VPS26C: variants seen among roughly 807,000 people sequenced by gnomAD.
VPS26C encodes the protein vacuolar protein sorting-associated protein 26C.
A neutral mutation model predicts 30.6 loss-of-function variants in VPS26C; 19 were observed. The observed-to-expected ratio is 0.62, with a 90% CI of 0.43 to 0.91. The LOEUF is 0.91. Ranked by LOEUF, VPS26C falls within the 40% of genes least tolerant of loss-of-function variation. VPS26C has a pLI of 0.00. For missense variants in VPS26C, 318 were observed against 385.1 expected (o/e 0.83, Z 1.46); for synonymous variants, 132 against 151.5 (o/e 0.87, Z 0.95).
chr21:37,255,012 A>C (rs2086228670), intron 1 of VPS26C, among the ~76,000 whole-genome samples: 3 of 152,174 alleles, frequency 2.0e-5, no homozygotes, highest in Admixed American at 1.3e-4. Context: ...GGCACTGTTC[A>C]TGGGGCAGCA....
rs533964965 is a variant in VPS26C at position 37,233,057 on chromosome 21, C to G, written c.432+305G>C. 6.6e-6 allele frequency among the ~76,000 whole-genome samples: 1 copy of G among 152,298 alleles called. No individual in the cohort carries two copies. The highest frequency in any genetic ancestry group is 1.5e-5 in the Non-Finnish European group (1 of 68,026). On this transcript the variant is annotated intron_variant, in intron 4 of 7. Coordinates refer to ENST00000309117, the MANE Select transcript of VPS26C (RefSeq NM_006052.2). This position sits in a 1 kb window ranked among gnomAD's most constrained non-coding sequence, Gnocchi z 5.2. ...TGAGAGCCTGCCTGGCATTTTTTATCCAGGGGCTGGGATGCAAAGGGCCAG... is the reference window on the plus strand; with the variant it reads ...TGAGAGCCTGCCTGGCATTTTTTATGCAGGGGCTGGGATGCAAAGGGCCAG...
Position 37,251,859 on chromosome 21 carries a change from A to T in VPS26C, c.58-11220T>A, listed in dbSNP as rs559508535. ...TGAAGATTGTGTGTTAAAAAGTCAC[A>T]TTTCTTTGGGTTAGTTCTTATTTTG... is the stretch of plus-strand genomic sequence containing the variant. On this transcript the variant is annotated intron_variant, in intron 1 of 7. Transcript: ENST00000309117. 1.1e-4 allele frequency among the ~76,000 whole-genome samples: 17 copies of T among 152,328 alleles called. No individual in the cohort carries two copies. The East Asian group carries it at 3.3e-3, about 29-fold the overall frequency.
Position 37,225,611 on chromosome 21 carries a change from A to T in VPS26C, c.827T>A (p.Ile276Asn), listed in dbSNP as rs898208193. ...GTGGTCAGGGTGAAGCAGCACCACG[A>T]TGTTAACCTCAAATTCTGAGAAGAG... The part of the protein sequence containing the change: ...TNFKVEFEVN[I>N]VVLLHPDHLI... The change falls in exon 8 of 8, where the codon ATC becomes AAC. Residue 276 changes from isoleucine to asparagine, a missense_variant. Ile to Asn is a moderately radical substitution (Grantham distance 149). Transcript: ENST00000309117. 1.9e-6 allele frequency: 3 copies of T among 1,613,850 alleles called. No homozygotes were observed. The African/African-American group carries it at 4.0e-5, about 22-fold the overall frequency.
At chr21:37,254,549 G>A (rs934447309) in intron 1 of VPS26C, among the ~76,000 whole-genome samples, 1 of 152,100 alleles carries the variant, frequency 6.6e-6, no homozygotes, top group Non-Finnish European at 1.5e-5. Flanking sequence ...GGTGGCTCAC[G>A]CCTGTAATCC....
At chr21:37,266,288 C>G (rs2148315312) in intron 1 of VPS26C, among the ~76,000 whole-genome samples, 1 of 152,260 alleles carries the variant, frequency 6.6e-6, no homozygotes, top group African/African-American at 2.4e-5. Flanking sequence ...GCAGGCTTCC[C>G]TAGTTGTCTT....
At chr21:37,229,147 T>G (rs1439836101) in intron 5 of VPS26C, 1 of 152,196 alleles carries the variant, frequency 6.6e-6, no homozygotes, top group African/African-American at 2.4e-5. Flanking sequence ...CTACAAACCT[T>G]TACTCTGCAC....
chr21:37,238,481 A>G lies in VPS26C; in HGVS notation c.330T>C (p.His110=). 1.2e-6 allele frequency: 2 copies of G among 1,614,160 alleles called. No individual in the cohort carries two copies. Among genetic ancestry groups the G allele is most frequent in the Non-Finnish European group, 1.7e-6 (2 of 1,180,016 alleles). ...KGNKVLYETY[H]GVFVNIQYTL... is the part of the protein sequence containing the mutation. ...TCACCTGAATGTTGACAAACACGCCATGATACGTCTCATACAGAACTTTGT... is the reference window on the plus strand; with the variant it reads ...TCACCTGAATGTTGACAAACACGCCGTGATACGTCTCATACAGAACTTTGT... The change falls in exon 3 of 8, where the codon CAT becomes CAC. Residue 110 remains histidine (H), a synonymous_variant. Coordinates refer to ENST00000309117, the MANE Select transcript of VPS26C (RefSeq NM_006052.2).
At chr21:37,249,331 A>G (rs117997335) in intron 1 of VPS26C, among the ~76,000 whole-genome samples, 2,817 of 152,352 alleles carry the variant, frequency 0.018, 39 homozygotes, top group Admixed American at 0.028. Context: ...AAAAACTACT[A>G]TCAACATGAA....
At chr21:37,238,355 C>T in intron 3 of VPS26C, 105 bp downstream of exon 3, 3 of 1,305,798 alleles carry the variant, frequency 2.3e-6, no homozygotes, top group Non-Finnish European at 3.2e-6. Flanking sequence ...GCAATAAACA[C>T]AGTATTAAAT....
chr21:37,242,701 C>G (rs933925030), intron 1 of VPS26C, among the ~76,000 whole-genome samples: 4 of 152,202 alleles, frequency 2.6e-5, no homozygotes, highest in Admixed American at 6.5e-5. Context: ...TTGAACCACA[C>G]AGTAGCGCCT....
intron 1 of VPS26C, among the ~76,000 whole-genome samples, chr21:37,259,065 T>A (rs1176943704): frequency 1.3e-5 from 2 of 152,202 alleles, no homozygotes; most frequent in Admixed American, 6.5e-5. Context: ...AAAAGGTTCA[T>A]ACCTCTCAAA....
At chr21:37,225,670 G>T in intron 7 of VPS26C, 44 bp from the exon 8 acceptor site, 1 of 1,529,826 alleles carries the variant, frequency 6.5e-7, no homozygotes, top group Non-Finnish European at 9.1e-7. Context: ...CTGTTACCAA[G>T]CAGCGAAACC....
chr21:37,225,495 C>T lies in VPS26C; in HGVS notation c.*49G>A, dbSNP rs372301286. 3 of 1,525,134 alleles carry T rather than the reference C, an allele frequency of 2.0e-6. No individual in the cohort carries two copies. The South Asian group carries it at 3.4e-5, about 17-fold the overall frequency. 94.5% of individuals were successfully genotyped at this position (1,525,134 alleles called of 1,614,324 possible). A position where few individuals can be genotyped will look rare whatever the true frequency, so the allele number is the denominator to read the frequency against. ...CTCCCCTTAGGATTTGGATAACCAG[C>T]TGGATTTCCAGATGGCCACTCCCGT... is the stretch of plus-strand genomic sequence containing the variant. On this transcript the variant is annotated 3_prime_UTR_variant, in exon 8 of 8. Coordinates refer to ENST00000309117, the MANE Select transcript of VPS26C (RefSeq NM_006052.2).
intron 3 of VPS26C, among the ~76,000 whole-genome samples, chr21:37,234,973 T>A (rs1044932083): frequency 1.5e-5 from 1 of 64,956 alleles, no homozygotes; most frequent in African/African-American, 6.2e-5. Flanking sequence ...CTCCTGAGTA[T>A]CTGGAATTAC....
At chr21:37,256,699 A>T (rs890356523) in intron 1 of VPS26C, among the ~76,000 whole-genome samples, 39 of 152,214 alleles carry the variant, frequency 2.6e-4, no homozygotes, top group Non-Finnish European at 4.7e-4. Flanking sequence ...AGTCTTTTTC[A>T]TGGCTGCTCA....
rs373018014 is a variant in VPS26C, at chr21:37,228,506, G to A, written c.508-133C>T. 1.9e-4 allele frequency: 182 copies of A among 953,462 alleles called. No individual in the cohort carries two copies. The African/African-American group carries it at 2.4e-3, about 13-fold the overall frequency. The allele number at this position is 953,462 out of a possible 1,614,324, so 59.1% of individuals were successfully genotyped here. On this transcript the variant is annotated intron_variant, in intron 5 of 7. Coordinates refer to ENST00000309117, the MANE Select transcript of VPS26C (RefSeq NM_006052.2). ...GTCCACCGGGACCGTCTCACAAAAC[G>A]GGAAGAAAGGAGCGAAGTACTGACG...
intron 1 of VPS26C, among the ~76,000 whole-genome samples, chr21:37,246,997 A>G (rs2086143793): frequency 1.3e-5 from 2 of 152,192 alleles, no homozygotes; most frequent in African/African-American, 2.4e-5. Context: ...GGCTCAAGCA[A>G]TCCTGCCTTG....
chr21:37,239,810 C>T (rs972162895), intron 2 of VPS26C, among the ~76,000 whole-genome samples: 3 of 152,252 alleles, frequency 2.0e-5, no homozygotes, highest in African/African-American at 7.2e-5. Context: ...GTTAGCCAGG[C>T]TGGTCTCGAA....
At chr21:37,261,968 C>T (rs185587338) in intron 1 of VPS26C, 3 of 151,552 alleles carry the variant, frequency 2.0e-5, no homozygotes, top group Admixed American at 6.6e-5. Context: ...ACTTAAGGTA[C>T]GAAGTACTAC....
Sources: gnomAD v4.1 joint callset for allele counts (sites outside exome capture counted in the v4.1 genomes callset) on GRCh38, gnomAD v4.1.1 for gene constraint, Gnocchi (gnomAD v3.1) non-coding constraint, MANE v1.5 for transcripts, NCBI Gene and HGNC (gene_info 2026-07-23, HGNC 2026-07-21) for gene names.